Variants in SGCZ observed in about 807,000 individuals in gnomAD.
SGCZ encodes zeta-sarcoglycan.
In SGCZ, 40 loss-of-function variants were observed where a neutral mutation model predicts 41.3. That is an observed-to-expected ratio of 0.97 (90% confidence interval 0.75 to 1.26). The LOEUF is 1.26. Ranked by LOEUF, SGCZ falls within the 50% of genes most tolerant of loss-of-function variation. SGCZ has a pLI of 0.00. For missense variants in SGCZ, 552 were observed against 369.8 expected, an observed-to-expected ratio of 1.49 and a Z score of -4.04; for synonymous variants, 206 against 137.5, an observed-to-expected ratio of 1.50 and a Z score of -3.49.
chr8:15,052,411 T>A (rs1804547221), intron 1 of SGCZ, among the ~76,000 whole-genome samples: 1 of 152,148 alleles, frequency 6.6e-6, no homozygotes, highest in African/African-American at 2.4e-5. Context: ...GTGGGTGGAC[T>A]GAGTCATGCA....
intron 1 of SGCZ, among the ~76,000 whole-genome samples, chr8:14,612,129 A>C (rs538964923): frequency 1.8e-4 from 27 of 152,098 alleles, no homozygotes; most frequent in Non-Finnish European, 2.8e-4. Context: ...TTTCTTTTTT[A>C]TTTTTTCCTA....
chr8:14,542,799 T>G (rs546752682), intron 2 of SGCZ, among the ~76,000 whole-genome samples: 81 of 152,196 alleles, frequency 5.3e-4, no homozygotes, highest in African/African-American at 1.8e-3. Flanking sequence ...ATTTCATATT[T>G]TAAAAAAAAA....
intron 3 of SGCZ, among the ~76,000 whole-genome samples, chr8:14,242,592 C>G (rs569122704): frequency 6.6e-6 from 1 of 152,268 alleles, no homozygotes; most frequent in African/African-American, 2.4e-5. Flanking sequence ...CAGATCAGAG[C>G]CTCCCTCTGT....
intron 1 of SGCZ, among the ~76,000 whole-genome samples, chr8:14,794,858 A>C (rs868209299): frequency 6.6e-6 from 1 of 152,242 alleles, no homozygotes; most frequent in Non-Finnish European, 1.5e-5. Flanking sequence ...ACACTACAGC[A>C]TCTCTACTAT....
At chr8:14,746,975 T>C (rs1799355127) in intron 1 of SGCZ, among the ~76,000 whole-genome samples, 1 of 152,234 alleles carries the variant, frequency 6.6e-6, no homozygotes, top group Admixed American at 6.5e-5. Flanking sequence ...TCATACCTGA[T>C]ACAGTTTATT....
intron 2 of SGCZ, among the ~76,000 whole-genome samples, chr8:14,420,356 T>G (rs944318756): frequency 1.1e-4 from 16 of 152,098 alleles, no homozygotes; most frequent in African/African-American, 3.9e-4. Flanking sequence ...CTATTCACAA[T>G]TGCCCCATTG....
At chr8:14,406,307 C>A (rs1242902937) in intron 2 of SGCZ, among the ~76,000 whole-genome samples, 2 of 152,148 alleles carry the variant, frequency 1.3e-5, no homozygotes, top group African/African-American at 4.8e-5. Context: ...TCATGCCCCA[C>A]TCTATTCACT....
intron 1 of SGCZ, among the ~76,000 whole-genome samples, chr8:14,711,622 C>T (rs1809520876): frequency 7.5e-6 from 1 of 133,608 alleles, no homozygotes; most frequent in African/African-American, 2.7e-5. Flanking sequence ...AAAAAAAAAG[C>T]CTATATGCGT....
At chr8:14,837,815 A>T (rs551027875) in intron 1 of SGCZ, among the ~76,000 whole-genome samples, 3 of 152,250 alleles carry the variant, frequency 2.0e-5, no homozygotes, top group African/African-American at 7.2e-5. Context: ...TAATAGTCAT[A>T]ATATATTTAG....
At chr8:14,368,187 G>A (rs1803781009) in intron 2 of SGCZ, among the ~76,000 whole-genome samples, 1 of 151,876 alleles carries the variant, frequency 6.6e-6, no homozygotes, top group Non-Finnish European at 1.5e-5. Context: ...TTGCATTGAT[G>A]ACATATATTG....
intron 1 of SGCZ, among the ~76,000 whole-genome samples, chr8:15,024,059 T>C (rs12678080): frequency 0.87 from 131,750 of 152,204 alleles, 57,269 homozygotes; most frequent in Non-Finnish European, 0.9. Context: ...ATCACAATCA[T>C]GTTTCTTGAG....
At chr8:14,509,373 T>C (rs1802403181) in intron 2 of SGCZ, among the ~76,000 whole-genome samples, 1 of 152,166 alleles carries the variant, frequency 6.6e-6, no homozygotes, top group Non-Finnish European at 1.5e-5. Context: ...AATGCAAAAG[T>C]GAGTTAAAAT....
chr8:14,812,823 T>C (rs1801775799), intron 1 of SGCZ, among the ~76,000 whole-genome samples: 1 of 152,126 alleles, frequency 6.6e-6, no homozygotes, highest in South Asian at 2.1e-4. Flanking sequence ...CTTCCACAAT[T>C]ATCAAGCATG....
chr8:15,054,448 T>C (rs1486325157), intron 1 of SGCZ, among the ~76,000 whole-genome samples: 2 of 151,832 alleles, frequency 1.3e-5, no homozygotes, highest in Non-Finnish European at 2.9e-5. Context: ...GTACCCAGAA[T>C]TACTAACCCC....
At chr8:14,861,102 G>A (rs1803732362) in intron 1 of SGCZ, among the ~76,000 whole-genome samples, 1 of 152,170 alleles carries the variant, frequency 6.6e-6, no homozygotes, top group African/African-American at 2.4e-5. Flanking sequence ...TGCGTACGAG[G>A]TGAATGTGTT....
At chr8:14,280,573 T>C (rs1800389314) in intron 3 of SGCZ, among the ~76,000 whole-genome samples, 1 of 151,954 alleles carries the variant, frequency 6.6e-6, no homozygotes, top group South Asian at 2.1e-4. Flanking sequence ...TCTAAGCCCT[T>C]AAATCGGAAA....
intron 1 of SGCZ, among the ~76,000 whole-genome samples, chr8:14,813,247 A>G (rs1388402254): frequency 2.6e-5 from 4 of 152,170 alleles, no homozygotes; most frequent in African/African-American, 9.7e-5. Flanking sequence ...TTCTCCCTCA[A>G]TATACAGGAA....
At chr8:14,637,802 G>C (rs894409073) in intron 1 of SGCZ, among the ~76,000 whole-genome samples, 1 of 151,704 alleles carries the variant, frequency 6.6e-6, no homozygotes, top group Non-Finnish European at 1.5e-5. Flanking sequence ...TATCTTTTTG[G>C]TGGAACAATT....
At chr8:14,960,963 A>T (rs952028030) in intron 1 of SGCZ, among the ~76,000 whole-genome samples, 1 of 110,730 alleles carries the variant, frequency 9.0e-6, no homozygotes, top group Non-Finnish European at 1.9e-5. Context: ...ACACACACAC[A>T]CTCACTCAAG....
Sources: gnomAD v4.1 joint callset for allele counts (sites outside exome capture counted in the v4.1 genomes callset) on GRCh38, gnomAD v4.1.1 for gene constraint, MANE v1.5 for transcripts, NCBI Gene and HGNC (gene_info 2026-07-23, HGNC 2026-07-21) for gene names.